Variants in E2F3 observed in about 807,000 individuals in gnomAD.
The protein encoded by E2F3 is E2F transcription factor 3, also known as transcription factor E2F3.
Under a neutral mutation model 44.4 loss-of-function variants are expected in E2F3, and 11 were observed. The observed-to-expected ratio is 0.25, with a 90% CI of 0.16 to 0.41. The LOEUF is 0.41. E2F3 is among the 10% of genes least tolerant of loss of function. E2F3 has a pLI of 1.00. For synonymous variants in E2F3, 249 were observed against 253.0 expected, an observed-to-expected ratio of 0.98 and a Z score of 0.15; for missense variants, 487 against 583.6, an observed-to-expected ratio of 0.83 and a Z score of 1.70.
intron 1 of E2F3, among the ~76,000 whole-genome samples, chr6:20,428,327 G>T (rs973956353): frequency 7.9e-5 from 12 of 152,224 alleles, no homozygotes; most frequent in Admixed American, 6.5e-4. Context: ...GGATTCAAGC[G>T]ATTTTCCTGC....
rs548316797 is a variant in E2F3 at position 20,411,079 on chromosome 6, T to C, written c.393+8454T>C. 7.6e-4 allele frequency among the ~76,000 whole-genome samples: 116 copies of C among 152,336 alleles called. 1 individual carries two copies. The South Asian group carries it at 0.024, about 32-fold the overall frequency. ...TTGTATTTCTTTATAAGCTGCCCATTGACTTGGGAAAAAGAACTGAAGAAT... is the reference window on the plus strand; with the variant it reads ...TTGTATTTCTTTATAAGCTGCCCATCGACTTGGGAAAAAGAACTGAAGAAT... On this transcript the variant is annotated intron_variant, in intron 1 of 6. Transcript: ENST00000346618.
intron 4 of E2F3, among the ~76,000 whole-genome samples, chr6:20,483,690 C>G (rs751746193): frequency 6.6e-6 from 1 of 152,174 alleles, no homozygotes; most frequent in Non-Finnish European, 1.5e-5. Context: ...GAGATTGCCT[C>G]ATTATGTCAA....
chr6:20,471,409 C>T (rs1407321402), intron 1 of E2F3, among the ~76,000 whole-genome samples: 1 of 152,028 alleles, frequency 6.6e-6, no homozygotes, highest in African/African-American at 2.4e-5. Flanking sequence ...ATGGTGAAAC[C>T]TTGTGTCTAT....
intron 4 of E2F3, among the ~76,000 whole-genome samples, chr6:20,485,021 C>CT (rs1554141733): frequency 1.3e-5 from 2 of 151,480 alleles, no homozygotes; most frequent in African/African-American, 2.4e-5. Context: ...TAAGCCCCCC[C>CT]TTTTTTTTAT....
rs139781444 is a variant in E2F3 at position 20,468,243 on chromosome 6, A to G, written c.394-11603A>G. Among the ~76,000 whole-genome samples, 989 of 152,204 alleles carry G rather than the reference A, an allele frequency of 6.5e-3. 10 individuals carry two copies. The highest frequency in any genetic ancestry group is 0.023 in the African/African-American group (947 of 41,516). On this transcript the variant is annotated intron_variant, in intron 1 of 6. Coordinates refer to ENST00000346618, the MANE Select transcript of E2F3 (RefSeq NM_001949.5). ...GTTCAGTCTCACAAGACCACCCCCAACTTCTGATGCCAGTTGCAAGCCCCA... is the reference window on the plus strand; with the variant it reads ...GTTCAGTCTCACAAGACCACCCCCAGCTTCTGATGCCAGTTGCAAGCCCCA...
Position 20,402,597 on chromosome 6 carries a change from G to T in E2F3, c.365G>T (p.Gly122Val). The T allele has an allele frequency of 7.4e-7, 1 of 1,356,938 alleles. No individual in the cohort carries two copies. Among genetic ancestry groups the T allele is most frequent in the Non-Finnish European group, 9.4e-7 (1 of 1,063,226 alleles). 84.1% of individuals were successfully genotyped at this position (1,356,938 alleles called of 1,614,324 possible). A position where few individuals can be genotyped will look rare whatever the true frequency, so the allele number is the denominator to read the frequency against. Residue 122 changes from glycine to valine, a missense_variant, in exon 1 of 7, where the codon GGC (glycine) becomes GTC (valine). Gly to Val is a moderately radical substitution (Grantham distance 109, BLOSUM62 -3). Around this residue, in one of 3 missense-constraint regions of E2F3, gnomAD observed 238 missense variants for 236.0 expected, o/e 1.01. Transcript: ENST00000346618. The surrounding 1 kb of genome is among the most constrained non-coding windows in gnomAD (Gnocchi z 5.6). ...LLQQPPALGRGGSGGGGGPPA... is the reference protein window; with the variant it reads ...LLQQPPALGRVGSGGGGGPPA... ...CAGCAGCCACCAGCGCTGGGACGCG[G>T]CGGCAGCGGCGGCGGCGGCGGCCCT...
In E2F3 at chr6:20,402,698, G is replaced by C. The variant is rs1759347929; in HGVS notation, c.393+73G>C. 1 of 1,272,008 alleles carries C rather than the reference G, an allele frequency of 7.9e-7. No individual in the cohort carries two copies. Among genetic ancestry groups the C allele is most frequent in the African/African-American group, 1.6e-5 (1 of 64,024 alleles). 78.8% of individuals were successfully genotyped at this position (1,272,008 alleles called of 1,614,324 possible). On this transcript the variant is annotated intron_variant, in intron 1 of 6. Coordinates refer to ENST00000346618, the MANE Select transcript of E2F3 (RefSeq NM_001949.5). The surrounding 1 kb of genome is among the most constrained non-coding windows in gnomAD (Gnocchi z 5.6). ...TCGCACCGCGCGGGGTCGTGGGCGC[G>C]CTGCGGGCCGCTCGGGGAGAGCACT...
intron 1 of E2F3, among the ~76,000 whole-genome samples, chr6:20,415,568 C>T (rs1412677030): frequency 6.6e-6 from 1 of 152,190 alleles, no homozygotes; most frequent in African/African-American, 2.4e-5. Context: ...AAATCACCCC[C>T]AGCTGAGAAC....
At chr6:20,443,152 G>A (rs970779678) in intron 1 of E2F3, among the ~76,000 whole-genome samples, 7 of 152,130 alleles carry the variant, frequency 4.6e-5, no homozygotes, top group African/African-American at 1.7e-4. Context: ...AGGGACAAGA[G>A]GGATGCAGGG....
At chr6:20,409,353 C>T (rs866471907) in intron 1 of E2F3, among the ~76,000 whole-genome samples, 5 of 152,162 alleles carry the variant, frequency 3.3e-5, no homozygotes, top group Non-Finnish European at 5.9e-5. Flanking sequence ...CTCTTCAAAA[C>T]GTGATAGTAA....
At chr6:20,437,422 G>A (rs1345032609) in intron 1 of E2F3, among the ~76,000 whole-genome samples, 1 of 151,808 alleles carries the variant, frequency 6.6e-6, no homozygotes, top group Non-Finnish European at 1.5e-5. Flanking sequence ...GAGCAGCATA[G>A]TAACCTATAG....
intron 1 of E2F3, among the ~76,000 whole-genome samples, chr6:20,461,334 A>T (rs1761501789): frequency 6.6e-6 from 1 of 152,110 alleles, no homozygotes; most frequent in South Asian, 2.1e-4. Flanking sequence ...TCTACTAAAA[A>T]TACAAAAAAC....
intron 1 of E2F3, among the ~76,000 whole-genome samples, chr6:20,452,826 C>A (rs1320022171): frequency 6.6e-6 from 1 of 152,076 alleles, no homozygotes. Context: ...TGGTGGCACA[C>A]ACCTGTAGTC....
intron 1 of E2F3, among the ~76,000 whole-genome samples, chr6:20,403,293 G>A (rs1353581888): frequency 2.0e-5 from 3 of 152,112 alleles, no homozygotes; most frequent in South Asian, 2.1e-4. Context: ...GGGGCTCGCG[G>A]GCTGGCGCTC....
chr6:20,455,686 T>TCCCTCAG (rs879805575), intron 1 of E2F3, among the ~76,000 whole-genome samples: 3,166 of 152,276 alleles, frequency 0.021, 65 homozygotes, highest in African/African-American at 0.052. Flanking sequence ...GCACTGTTCT[T>TCCCTCAG]AATAAACTGA....
intron 1 of E2F3, among the ~76,000 whole-genome samples, chr6:20,409,314 A>AT (rs1759591924): frequency 6.6e-6 from 1 of 152,224 alleles, no homozygotes; most frequent in Admixed American, 6.5e-5. Flanking sequence ...GTTAAATGAA[A>AT]GGGAATTATT....
intron 1 of E2F3, among the ~76,000 whole-genome samples, chr6:20,476,745 G>A (rs1762059229): frequency 6.6e-6 from 1 of 152,226 alleles, no homozygotes; most frequent in Admixed American, 6.5e-5. Flanking sequence ...TCACCTGTGT[G>A]CACAGATGCG....
In E2F3 at chr6:20,492,526, C is replaced by A. The variant is rs1762582114; in HGVS notation, c.*2096C>A. On this transcript the variant is annotated 3_prime_UTR_variant, in exon 7 of 7. Transcript: ENST00000346618. ...TTTATGCCAAGCTTTTCCCCATTTCCCATATTTATCTCATCTGGTTAGCTG... is the reference window on the plus strand; with the variant it reads ...TTTATGCCAAGCTTTTCCCCATTTCACATATTTATCTCATCTGGTTAGCTG... The A allele has an allele frequency of 8.6e-6, 2 of 233,158 alleles. No homozygotes were observed. Among genetic ancestry groups the A allele is most frequent in the South Asian group, 3.6e-4 (2 of 5,524 alleles). 14.4% of individuals were successfully genotyped at this position (233,158 alleles called of 1,614,324 possible). A position where few individuals can be genotyped will look rare whatever the true frequency, so the allele number is the denominator to read the frequency against.
In E2F3 at chr6:20,418,754, C is replaced by T. The variant is rs529965511; in HGVS notation, c.393+16129C>T. Among the ~76,000 whole-genome samples, 12 of 152,226 alleles carry T rather than the reference C, an allele frequency of 7.9e-5. No homozygotes were observed. The East Asian group carries it at 2.1e-3, about 27-fold the overall frequency. ...GCAGGGGAGGGAGTACTGCTAGCCA[C>T]TTATGGAGCATATGGACACTGTCAT... On this transcript the variant is annotated intron_variant, in intron 1 of 6. Coordinates refer to ENST00000346618, the MANE Select transcript of E2F3 (RefSeq NM_001949.5).
Sources: allele counts gnomAD v4.1 joint callset (sites outside exome capture counted in the v4.1 genomes callset), GRCh38; gene constraint gnomAD v4.1.1; regional missense constraint gnomAD v4.1.1; non-coding constraint Gnocchi (gnomAD v3.1); transcripts MANE v1.5; gene names NCBI Gene and HGNC (gene_info 2026-07-23, HGNC 2026-07-21).